The following CSMD1 variants were observed in gnomAD, a reference collection of about 807,000 sequenced individuals.
CSMD1 encodes CUB and sushi domain-containing protein 1.
A neutral mutation model predicts 417.5 loss-of-function variants in CSMD1; 213 were observed. The ratio of observed to expected loss-of-function variants is 0.51; its 90% CI spans 0.46 to 0.57. The LOEUF (loss-of-function observed/expected upper bound fraction) is 0.57, where lower values mean the gene tolerates loss of function less well. Among genes scored for constraint, CSMD1 ranks in the 20% least tolerant of loss-of-function variants. The pLI is 0.00. For missense variants in CSMD1, 6,923 were observed against 4,529.7 expected, an observed-to-expected ratio of 1.53 and a Z score of -15.17; for synonymous variants, 2,862 against 1,736.8, an observed-to-expected ratio of 1.65 and a Z score of -16.11.
At chr8:3,070,739 T>C (rs1307281073) in intron 49 of CSMD1, among the ~76,000 whole-genome samples, 2 of 152,268 alleles carry the variant, frequency 1.3e-5, no homozygotes, top group Non-Finnish European at 1.5e-5. Flanking sequence ...TTTCTTATTC[T>C]GAGGTTTCCA....
chr8:4,812,225 A>T (rs747649674), intron 1 of CSMD1, among the ~76,000 whole-genome samples: 2 of 152,178 alleles, frequency 1.3e-5, no homozygotes, highest in Non-Finnish European at 1.5e-5. Flanking sequence ...TCTAAGTGAG[A>T]CACAACCAGT....
chr8:3,412,460 T>C (rs1812871544), intron 12 of CSMD1, among the ~76,000 whole-genome samples: 1 of 152,124 alleles, frequency 6.6e-6, no homozygotes, highest in Non-Finnish European at 1.5e-5. Flanking sequence ...GATGTTATAT[T>C]GCATTCAAGA....
At chr8:3,454,016 T>C (rs1026468528) in intron 12 of CSMD1, among the ~76,000 whole-genome samples, 1 of 152,194 alleles carries the variant, frequency 6.6e-6, no homozygotes, top group Non-Finnish European at 1.5e-5. Context: ...TGCATATATA[T>C]TTAGGATAGT....
intron 4 of CSMD1, among the ~76,000 whole-genome samples, chr8:4,024,564 T>G (rs1796965472): frequency 6.6e-6 from 1 of 152,200 alleles, no homozygotes; most frequent in Non-Finnish European, 1.5e-5. Context: ...CTTTAGTTTT[T>G]CACCCTTATT....
intron 3 of CSMD1, among the ~76,000 whole-genome samples, chr8:4,393,689 C>G (rs958075121): frequency 2.0e-5 from 3 of 152,026 alleles, no homozygotes; most frequent in African/African-American, 4.8e-5. Flanking sequence ...CTATAATTAA[C>G]CAAGAACCTG....
intron 54 of CSMD1, among the ~76,000 whole-genome samples, chr8:2,985,104 A>G (rs1383465995): frequency 1.3e-5 from 2 of 152,234 alleles, no homozygotes; most frequent in African/African-American, 4.8e-5. Flanking sequence ...CAAAATCAAT[A>G]TACGTCCCAA....
At chr8:4,728,497 C>A (rs992235406) in intron 1 of CSMD1, among the ~76,000 whole-genome samples, 1 of 152,060 alleles carries the variant, frequency 6.6e-6, no homozygotes, top group Non-Finnish European at 1.5e-5. Flanking sequence ...AGCAGGTTCT[C>A]AGCGACTATT....
At chr8:3,867,265 T>C (rs1280621833) in intron 5 of CSMD1, among the ~76,000 whole-genome samples, 3 of 152,140 alleles carry the variant, frequency 2.0e-5, no homozygotes, top group Non-Finnish European at 4.4e-5. Flanking sequence ...AGCAAGACCA[T>C]ACCATTACAT....
chr8:4,933,095 T>A (rs1401261290), intron 1 of CSMD1, among the ~76,000 whole-genome samples: 2 of 90,434 alleles, frequency 2.2e-5, no homozygotes, highest in African/African-American at 5.5e-5. Context: ...TTGAAGTAAT[T>A]AATCACCTTA....
At position 4,925,215 on chromosome 8, in the gene CSMD1, G is replaced by GTTTTTTTTTT. The variant is rs10692207; in HGVS notation, c.85+69107_85+69116dup. Among the ~76,000 whole-genome samples the GTTTTTTTTTT allele has an allele frequency of 2.2e-3, 161 of 72,720 alleles. 6 individuals are homozygous for GTTTTTTTTTT. The highest frequency in any genetic ancestry group is 2.3e-3 in the Non-Finnish European group (100 of 42,842). 47.7% of individuals were successfully genotyped at this position (72,720 alleles called of 152,430 possible). ...AAACATGGTGAATACCAGTTTTATGGTTTTTTTTTTTTTTTTTTTTTTTTT... is the reference window on the plus strand; with the variant it reads ...AAACATGGTGAATACCAGTTTTATGGTTTTTTTTTTTTTTTTTTTTTTTTTTTTTTTTTTT... On this transcript the variant is annotated intron_variant, in intron 1 of 69. Transcript: ENST00000635120.
intron 52 of CSMD1, among the ~76,000 whole-genome samples, chr8:3,009,685 T>C (rs1808231414): frequency 6.6e-6 from 1 of 152,178 alleles, no homozygotes; most frequent in South Asian, 2.1e-4. Context: ...CTAGGGGCAA[T>C]GCTGACCGAC....
At chr8:4,196,617 G>A (rs1318918996) in intron 3 of CSMD1, among the ~76,000 whole-genome samples, 1 of 152,114 alleles carries the variant, frequency 6.6e-6, no homozygotes, top group Non-Finnish European at 1.5e-5. Context: ...GAATCTTCAA[G>A]GCCAGCAATG....
chr8:3,801,294 G>GA (rs770948853), intron 5 of CSMD1, among the ~76,000 whole-genome samples: 15 of 152,034 alleles, frequency 9.9e-5, no homozygotes, highest in South Asian at 4.2e-4. Context: ...TAAAAATTGG[G>GA]AAAAAGATTT....
chr8:3,981,155 T>C (rs1032066546), intron 5 of CSMD1, among the ~76,000 whole-genome samples: 1 of 152,208 alleles, frequency 6.6e-6, no homozygotes, highest in Non-Finnish European at 1.5e-5. Context: ...ATAGTTACGC[T>C]GCATGTACAA....
chr8:3,681,132 A>G (rs1799640130), intron 7 of CSMD1, among the ~76,000 whole-genome samples: 2 of 152,210 alleles, frequency 1.3e-5, no homozygotes, highest in African/African-American at 4.8e-5. Context: ...CTGGCACAAG[A>G]CAGGGATGCC....
chr8:3,702,656 C>T (rs932426431), intron 7 of CSMD1, among the ~76,000 whole-genome samples: 11 of 152,154 alleles, frequency 7.2e-5, no homozygotes, highest in African/African-American at 2.4e-4. Flanking sequence ...CATGGTGAAA[C>T]CCCATATCTA....
chr8:3,384,852 C>T (rs1403150818), intron 18 of CSMD1, among the ~76,000 whole-genome samples: 3 of 115,888 alleles, frequency 2.6e-5, no homozygotes, highest in Non-Finnish European at 4.9e-5. Context: ...TTTATATATG[C>T]TATTTATATG....
chr8:4,349,493 T>A (rs79236760), intron 3 of CSMD1, among the ~76,000 whole-genome samples: 1 of 152,170 alleles, frequency 6.6e-6, no homozygotes, highest in Non-Finnish European at 1.5e-5. Context: ...GAGAGCTCTA[T>A]CTAGAATCTA....
intron 3 of CSMD1, among the ~76,000 whole-genome samples, chr8:4,391,404 T>G (rs1803841977): frequency 6.6e-6 from 1 of 152,140 alleles, no homozygotes; most frequent in African/African-American, 2.4e-5. Flanking sequence ...CTTTGAAGAC[T>G]AGGCTTTCAG....
Sources: allele counts gnomAD v4.1 joint callset (sites outside exome capture counted in the v4.1 genomes callset), GRCh38; gene constraint gnomAD v4.1.1; transcripts MANE v1.5; gene names NCBI Gene and HGNC (gene_info 2026-07-23, HGNC 2026-07-21).